The following ACCSL variants were observed in gnomAD, a reference collection of about 807,000 sequenced individuals.
The protein encoded by ACCSL is 1-aminocyclopropane-1-carboxylate synthase homolog (inactive) like, also known as probable inactive 1-aminocyclopropane-1-carboxylate synthase-like protein 2.
A neutral mutation model predicts 61.7 loss-of-function variants in ACCSL; 55 were observed. The observed-to-expected ratio is 0.89, with a 90% CI of 0.72 to 1.12. The LOEUF (loss-of-function observed/expected upper bound fraction) is 1.12, where lower values mean the gene tolerates loss of function less well. Among genes scored for constraint, ACCSL ranks in the 50% most tolerant of loss-of-function variants. ACCSL has a pLI of 0.00. For missense variants in ACCSL, 632 were observed against 698.0 expected (o/e 0.91, Z 1.07); for synonymous variants, 258 against 264.3 (o/e 0.98, Z 0.23).
the ACCSL span, among the ~76,000 whole-genome samples, chr11:43,964,172 C>CGGT: frequency 6.6e-6 from 1 of 152,094 alleles, no homozygotes; most frequent in Non-Finnish European, 1.5e-5. Flanking sequence ...TGGCCAGGCG[C>CGGT]GGTGGCTCAT....
At chr11:43,945,926 C>T in the ACCSL span, among the ~76,000 whole-genome samples, 10 of 152,184 alleles carry the variant, frequency 6.6e-5, no homozygotes, top group African/African-American at 2.2e-4. Context: ...CCTTGGGTTA[C>T]CCCAGCCAAC....
the ACCSL span, among the ~76,000 whole-genome samples, chr11:43,983,720 T>C: frequency 8.2e-6 from 1 of 122,352 alleles, no homozygotes; most frequent in Non-Finnish European, 1.6e-5. Flanking sequence ...CTCAAACCAC[T>C]GCCTATGGCT....
chr11:43,976,797 G>C, the ACCSL span, among the ~76,000 whole-genome samples: 1 of 152,198 alleles, frequency 6.6e-6, no homozygotes, highest in Admixed American at 6.5e-5. Flanking sequence ...TACAAGAAAG[G>C]CTGGGAACAG....
At chr11:43,988,837 C>T in the ACCSL span, among the ~76,000 whole-genome samples, 1 of 110,260 alleles carries the variant, frequency 9.1e-6, no homozygotes, top group Non-Finnish European at 1.7e-5. Context: ...TTTTTGGAGA[C>T]AGGGTCTGGG....
chr11:44,037,573 G>C, the ACCSL span, among the ~76,000 whole-genome samples: 2 of 152,194 alleles, frequency 1.3e-5, no homozygotes, highest in Non-Finnish European at 2.9e-5. Flanking sequence ...TGGCAAATCC[G>C]TGTTACAGCT....
At chr11:44,051,261 G>A (rs1952636219) in intron 3 of ACCSL, 74 bp from the exon 4 acceptor site, 12 of 1,495,242 alleles carry the variant, frequency 8.0e-6, no homozygotes, top group Non-Finnish European at 1.1e-5. Context: ...CTGTTAGGCT[G>A]GACAATGACC....
chr11:44,038,398 T>C, the ACCSL span, among the ~76,000 whole-genome samples: 1 of 152,222 alleles, frequency 6.6e-6, no homozygotes, highest in Non-Finnish European at 1.5e-5. Flanking sequence ...ATGGGTCCCT[T>C]TATCTGCCTG....
At chr11:44,023,602 AC>A in the ACCSL span, among the ~76,000 whole-genome samples, 544 of 145,050 alleles carry the variant, frequency 3.8e-3, 1 homozygote, top group Non-Finnish European at 5.2e-3. Flanking sequence ...CAAAGAACCA[AC>A]TTTTAGTTTT....
At chr11:44,026,103 C>T in the ACCSL span, among the ~76,000 whole-genome samples, 3 of 152,114 alleles carry the variant, frequency 2.0e-5, no homozygotes, top group African/African-American at 7.2e-5. Flanking sequence ...AGTTTTCAGC[C>T]ATTATTTCTT....
chr11:43,967,167 CTTTTTT>C, the ACCSL span, among the ~76,000 whole-genome samples: 106 of 62,700 alleles, frequency 1.7e-3, no homozygotes, highest in African/African-American at 6.7e-3. Context: ...TCTTCTTCTT[CTTTTTT>C]TTTTTTTTTT....
the ACCSL span, among the ~76,000 whole-genome samples, chr11:43,980,549 T>C: frequency 1.3e-5 from 2 of 152,232 alleles, no homozygotes; most frequent in African/African-American, 2.4e-5. Context: ...GTTTATTGGG[T>C]GCTTTCACTA....
chr11:43,947,414 GCTCCTC>G, the ACCSL span, among the ~76,000 whole-genome samples: 1 of 152,186 alleles, frequency 6.6e-6, no homozygotes, highest in African/African-American at 2.4e-5. Flanking sequence ...CGGGGGCTCA[GCTCCTC>G]CCTGTGCTCA....
chr11:43,983,594 T>A, the ACCSL span, among the ~76,000 whole-genome samples: 1 of 152,138 alleles, frequency 6.6e-6, no homozygotes, highest in African/African-American at 2.4e-5. Flanking sequence ...ATCGAGGTAT[T>A]ACACCCAAGT....
At chr11:43,983,947 C>A in the ACCSL span, among the ~76,000 whole-genome samples, 30 of 152,194 alleles carry the variant, frequency 2.0e-4, no homozygotes, top group South Asian at 1.0e-3. Flanking sequence ...GAAACCCCCT[C>A]TCTACTGAAA....
the ACCSL span, among the ~76,000 whole-genome samples, chr11:43,934,080 C>T: frequency 6.6e-6 from 1 of 152,130 alleles, no homozygotes; most frequent in Non-Finnish European, 1.5e-5. Context: ...CTCCCTCTCT[C>T]CCTCTCTGTG....
At chr11:44,016,703 C>T in the ACCSL span, among the ~76,000 whole-genome samples, 1 of 152,114 alleles carries the variant, frequency 6.6e-6, no homozygotes, top group Non-Finnish European at 1.5e-5. Context: ...TGATAGGGGA[C>T]TTGCCAAGAA....
the ACCSL span, among the ~76,000 whole-genome samples, chr11:44,038,434 G>A: frequency 6.6e-6 from 1 of 152,176 alleles, no homozygotes; most frequent in African/African-American, 2.4e-5. Context: ...AGGCTCCTTG[G>A]AGGAGGTGAT....
intron 13 of ACCSL, among the ~76,000 whole-genome samples, chr11:44,059,303 A>G (rs1357682395): frequency 6.6e-6 from 1 of 152,218 alleles, no homozygotes; most frequent in Non-Finnish European, 1.5e-5. Flanking sequence ...TGGGACTGGC[A>G]GCCTAGTAAG....
chr11:43,982,474 C>T, the ACCSL span, among the ~76,000 whole-genome samples: 1 of 151,900 alleles, frequency 6.6e-6, no homozygotes, highest in Non-Finnish European at 1.5e-5. Flanking sequence ...GTGATCAGCC[C>T]GCCTCGGCCT....
Sources: allele counts gnomAD v4.1 joint callset (sites outside exome capture counted in the v4.1 genomes callset), GRCh38; gene constraint gnomAD v4.1.1; transcripts MANE v1.5; gene names NCBI Gene and HGNC (gene_info 2026-07-23, HGNC 2026-07-21).